Variants in RBFOX1 observed in about 807,000 individuals in gnomAD.
The protein encoded by RBFOX1 is RNA binding protein fox-1 homolog 1.
RBFOX1 carries 8 observed loss-of-function variants against 57.7 expected under a neutral mutation model. The observed-to-expected ratio is 0.14, with a 90% CI of 0.08 to 0.25. RBFOX1 has a LOEUF of 0.25. RBFOX1 is among the 10% of genes least tolerant of loss of function. The pLI, the probability that RBFOX1 is intolerant of heterozygous loss-of-function variation, is 1.00. For synonymous variants in RBFOX1, 326 were observed against 222.4 expected, an observed-to-expected ratio of 1.47 and a Z score of -4.15; for missense variants, 611 against 548.5, an observed-to-expected ratio of 1.11 and a Z score of -1.14.
Position 6,923,305 on chromosome 16 carries a change from G to A in RBFOX1, c.-15-128752G>A, listed in dbSNP as rs140189982. Among the ~76,000 whole-genome samples the A allele has an allele frequency of 1.9e-3, 291 of 152,248 alleles. 1 individual carries two copies. The highest frequency in any genetic ancestry group is 6.8e-3 in the Middle Eastern group (2 of 294). Reference sequence around the variant, plus strand: ...TCCCAGAACTTTGGGATGCCAAGGCGGGAGGATCATGTGAGGTCAGGAGTT... The same window carrying A: ...TCCCAGAACTTTGGGATGCCAAGGCAGGAGGATCATGTGAGGTCAGGAGTT... On this transcript the variant is annotated intron_variant, in intron 3 of 15. Transcript: ENST00000550418.
chr16:7,583,312 G>C (rs543134231), intron 6 of RBFOX1, among the ~76,000 whole-genome samples: 1 of 152,244 alleles, frequency 6.6e-6, no homozygotes, highest in East Asian at 1.9e-4. Flanking sequence ...TTCATTGGAA[G>C]GGATGTTAGT....
At chr16:7,551,961 A>T (rs2086678177) in intron 5 of RBFOX1, among the ~76,000 whole-genome samples, 1 of 152,220 alleles carries the variant, frequency 6.6e-6, no homozygotes, top group Non-Finnish European at 1.5e-5. Flanking sequence ...CCAGCAGAAG[A>T]AATAGCATGT....
intron 1 of RBFOX1, among the ~76,000 whole-genome samples, chr16:6,172,125 GT>G (rs1057468945): frequency 1.3e-5 from 2 of 152,168 alleles, no homozygotes; most frequent in African/African-American, 2.4e-5. Flanking sequence ...CCAGCTAGCT[GT>G]TTTTTTATCA....
intron 3 of RBFOX1, among the ~76,000 whole-genome samples, chr16:5,816,204 C>A (rs766447547): frequency 6.6e-6 from 1 of 152,184 alleles, no homozygotes; most frequent in South Asian, 2.1e-4. Context: ...CATCCTTAGG[C>A]TTGGAGGCAC....
intron 2 of RBFOX1, among the ~76,000 whole-genome samples, chr16:6,587,213 G>T (rs1285965857): frequency 6.6e-6 from 1 of 152,038 alleles, no homozygotes; most frequent in East Asian, 1.9e-4. Flanking sequence ...CCACCATTCT[G>T]TTCTCTGCAT....
chr16:6,037,562 CTTTCTTTTT>C (rs1443225628), intron 1 of RBFOX1: 5 of 148,324 alleles, frequency 3.4e-5, no homozygotes, highest in African/African-American at 4.9e-5. Context: ...AATGCATTTT[CTTTCTTTTT>C]TTTCTTTTTT....
At chr16:6,877,526 T>C (rs1382729134) in intron 3 of RBFOX1, among the ~76,000 whole-genome samples, 1 of 152,156 alleles carries the variant, frequency 6.6e-6, no homozygotes, top group African/African-American at 2.4e-5. Flanking sequence ...GAGCATCGAC[T>C]CTCAGTGCTT....
chr16:6,772,651 T>TGTGC (rs953680581), intron 3 of RBFOX1, among the ~76,000 whole-genome samples: 3 of 151,324 alleles, frequency 2.0e-5, no homozygotes, highest in African/African-American at 7.3e-5. Context: ...TTTGTGTGTG[T>TGTGC]GTGTGTGTAT....
intron 4 of RBFOX1, among the ~76,000 whole-genome samples, chr16:5,952,515 G>T (rs994730354): frequency 6.6e-6 from 1 of 152,162 alleles, no homozygotes; most frequent in African/African-American, 2.4e-5. Flanking sequence ...TCGAACCACT[G>T]ACCTCAGGTG....
chr16:6,527,498 T>C (rs2096597702), intron 2 of RBFOX1, among the ~76,000 whole-genome samples: 1 of 152,168 alleles, frequency 6.6e-6, no homozygotes, highest in Non-Finnish European at 1.5e-5. Flanking sequence ...GAATGTATAA[T>C]TTTTATGGAT....
chr16:6,798,290 A>C (rs1429707402), intron 3 of RBFOX1, among the ~76,000 whole-genome samples: 1 of 152,114 alleles, frequency 6.6e-6, no homozygotes, highest in Admixed American at 6.5e-5. Context: ...ATCTGCATAG[A>C]TTGTATCTAG....
intron 4 of RBFOX1, among the ~76,000 whole-genome samples, chr16:5,899,822 G>C (rs951597192): frequency 6.6e-6 from 1 of 152,132 alleles, no homozygotes; most frequent in African/African-American, 2.4e-5. Context: ...ACCTGCAATC[G>C]CAGCACTTTG....
At chr16:7,352,390 C>T (rs527375439) in intron 4 of RBFOX1, among the ~76,000 whole-genome samples, 10 of 152,254 alleles carry the variant, frequency 6.6e-5, no homozygotes, top group African/African-American at 2.4e-4. Flanking sequence ...GTTGAATTTC[C>T]CCATCTTGGA....
At chr16:7,205,894 T>C (rs960984579) in intron 4 of RBFOX1, among the ~76,000 whole-genome samples, 1 of 152,264 alleles carries the variant, frequency 6.6e-6, no homozygotes, top group Non-Finnish European at 1.5e-5. Flanking sequence ...AAGGCAGCTA[T>C]TAGTGGTGTC....
intron 1 of RBFOX1, among the ~76,000 whole-genome samples, chr16:5,429,524 A>C (rs1245591803): frequency 2.0e-5 from 3 of 152,142 alleles, no homozygotes; most frequent in Non-Finnish European, 4.4e-5. Flanking sequence ...GAGGGACCCA[A>C]AGCACAGCCA....
intron 3 of RBFOX1, among the ~76,000 whole-genome samples, chr16:6,926,833 A>C (rs1567916619): frequency 6.6e-6 from 1 of 152,112 alleles, no homozygotes; most frequent in Non-Finnish European, 1.5e-5. Flanking sequence ...GTGCAGATAC[A>C]AAATACATAA....
rs370688631 is a variant in RBFOX1, at chr16:6,646,229, G to A, written c.-63-8374G>A. Among the ~76,000 whole-genome samples, 17 of 152,148 alleles carry A rather than the reference G, an allele frequency of 1.1e-4. 1 individual carries two copies. The highest frequency in any genetic ancestry group is 2.6e-4 in the African/African-American group (11 of 41,526). On this transcript the variant is annotated intron_variant, in intron 2 of 15. Transcript: ENST00000550418. ...ACACCGGCTCTAGGCAGCGTGATCC[G>A]AACAATAATTTGTTCTCGCCAAAGT...
At chr16:7,173,818 A>G (rs184809901) in intron 4 of RBFOX1, among the ~76,000 whole-genome samples, 3 of 152,228 alleles carry the variant, frequency 2.0e-5, no homozygotes, top group African/African-American at 7.2e-5. Flanking sequence ...CCAATGTCAT[A>G]CAACTGTTGT....
intron 3 of RBFOX1, among the ~76,000 whole-genome samples, chr16:6,992,663 C>G (rs2091680562): frequency 6.6e-6 from 1 of 152,018 alleles, no homozygotes; most frequent in Admixed American, 6.6e-5. Context: ...ACAACTTCAA[C>G]CATATTCTGT....
Sources: allele counts gnomAD v4.1 joint callset (sites outside exome capture counted in the v4.1 genomes callset), GRCh38; gene constraint gnomAD v4.1.1; transcripts MANE v1.5; gene names NCBI Gene and HGNC (gene_info 2026-07-23, HGNC 2026-07-21).